The following SKI variants were observed in gnomAD, a reference collection of about 807,000 sequenced individuals.
SKI encodes the protein SKI proto-oncogene.
SKI carries 23 observed loss-of-function variants against 59.3 expected under a neutral mutation model. The ratio of observed to expected loss-of-function variants is 0.39; its 90% CI spans 0.28 to 0.55. The LOEUF (loss-of-function observed/expected upper bound fraction) is 0.55, where lower values mean the gene tolerates loss of function less well. Ranked by LOEUF, SKI falls within the 20% of genes least tolerant of loss-of-function variation. The pLI, the probability that SKI is intolerant of heterozygous loss-of-function variation, is 0.67. For synonymous variants in SKI, 673 were observed against 488.6 expected (o/e 1.38, Z -4.98); for missense variants, 1,017 against 1,038.9 (o/e 0.98, Z 0.29).
chr1:2,275,670 A>G (rs181136444), intron 1 of SKI, among the ~76,000 whole-genome samples: 403 of 151,826 alleles, frequency 2.7e-3, no homozygotes, highest in African/African-American at 8.3e-3. Flanking sequence ...GTGCCATCAC[A>G]CTCGGCTAAT....
intron 1 of SKI, among the ~76,000 whole-genome samples, chr1:2,294,672 A>G (rs1453577014): frequency 6.6e-6 from 1 of 152,082 alleles, no homozygotes; most frequent in Non-Finnish European, 1.5e-5. Context: ...ATGGCTATGC[A>G]TGTTTGTCCC....
intron 1 of SKI, among the ~76,000 whole-genome samples, chr1:2,231,748 C>T (rs1273737560): frequency 3.9e-5 from 6 of 152,344 alleles, no homozygotes; most frequent in East Asian, 1.9e-4. Context: ...TGGTGTCCTC[C>T]GCCTGGCTCC....
chr1:2,280,307 C>T (rs180822665), intron 1 of SKI, among the ~76,000 whole-genome samples: 43 of 151,382 alleles, frequency 2.8e-4, no homozygotes, highest in African/African-American at 8.7e-4. Context: ...CCCCGGGAGG[C>T]GGAGGTTGCA....
At chr1:2,234,789 T>C (rs887114497) in intron 1 of SKI, among the ~76,000 whole-genome samples, 3 of 152,216 alleles carry the variant, frequency 2.0e-5, no homozygotes, top group African/African-American at 7.2e-5. Context: ...AAAAGTTTCT[T>C]TGTTTTGAGT....
chr1:2,264,969 C>A (rs1639469396), intron 1 of SKI, among the ~76,000 whole-genome samples: 1 of 152,120 alleles, frequency 6.6e-6, no homozygotes, highest in African/African-American at 2.4e-5. Context: ...CGCCACCACG[C>A]CTGGCTAATT....
At chr1:2,306,386 C>A (rs986520369) in intron 6 of SKI, 136 bp downstream of exon 6, 35 of 1,014,892 alleles carry the variant, frequency 3.4e-5, no homozygotes, top group African/African-American at 1.3e-4. Context: ...GCGTGCCCCC[C>A]CGACGGGCAC....
intron 1 of SKI, among the ~76,000 whole-genome samples, chr1:2,288,953 G>A (rs150827516): frequency 3.0e-4 from 46 of 152,310 alleles, no homozygotes; most frequent in Admixed American, 4.6e-4. Flanking sequence ...TCCAGGTGAC[G>A]GGAGCTGCCT....
intron 1 of SKI, among the ~76,000 whole-genome samples, chr1:2,262,577 G>A (rs1002381183): frequency 3.3e-5 from 5 of 152,172 alleles, no homozygotes; most frequent in African/African-American, 4.8e-5. Context: ...AGTGGTGGGC[G>A]TGGACGCCCT....
intron 1 of SKI, among the ~76,000 whole-genome samples, chr1:2,233,206 G>C (rs1638680644): frequency 6.7e-6 from 1 of 150,370 alleles, no homozygotes; most frequent in South Asian, 2.1e-4. Flanking sequence ...CTCCGAGGGG[G>C]CCGGGGTTTC....
chr1:2,228,809 C>T lies in SKI; in HGVS notation c.43C>T (p.Pro15Ser). 1 of 1,360,752 alleles carries T rather than the reference C, an allele frequency of 7.3e-7. No individual in the cohort carries two copies. Among genetic ancestry groups the T allele is most frequent in the Non-Finnish European group, 9.6e-7 (1 of 1,046,064 alleles). The allele number at this position is 1,360,752 out of a possible 1,614,324, so 84.3% of individuals were successfully genotyped here. A position where few individuals can be genotyped will look rare whatever the true frequency, so the allele number is the denominator to read the frequency against. ...CGGCCGCGGCTGTTTCCAGCCGCAC[C>T]CGGGGCTGCAGAAGACGCTGGAGCA... ...AGGRGCFQPH[P>S]GLQKTLEQFH... The change falls in exon 1 of 7, where the codon CCG (proline) becomes TCG (serine). Residue 15 changes from proline to serine, a missense_variant. Pro to Ser is a moderately conservative substitution (Grantham distance 74). Transcript: ENST00000378536.
In SKI at chr1:2,303,078, G is replaced by A. The variant is rs200874294; in HGVS notation, c.1070G>A (p.Arg357Gln). Reference protein sequence around the residue: ...SEKDKPSSWLRTLAGSSNKSL... With the variant: ...SEKDKPSSWLQTLAGSSNKSL... ...AAGGACAAGCCGTCCAGCTGGCTGC[G>A]GACCTTGGCCGGCTCTTCCAATAAG... Residue 357 changes from arginine (R) to glutamine (Q), a missense_variant, in exon 2 of 7, where the codon CGG (arginine) becomes CAG (glutamine). Physicochemically the swap from Arg to Gln is conservative, Grantham distance 43. Coordinates refer to ENST00000378536, the MANE Select transcript of SKI (RefSeq NM_003036.4). The surrounding 1 kb of genome is among the most constrained non-coding windows in gnomAD (Gnocchi z 5.6). 99 of 1,613,418 alleles carry A rather than the reference G, an allele frequency of 6.1e-5. No homozygotes were observed. Among genetic ancestry groups the A allele is most frequent in the Middle Eastern group, 1.6e-4 (1 of 6,084 alleles).
intron 1 of SKI, among the ~76,000 whole-genome samples, chr1:2,297,812 C>T (rs959271824): frequency 3.9e-5 from 6 of 152,260 alleles, no homozygotes; most frequent in East Asian, 1.9e-4. Flanking sequence ...TGGGCCCGCC[C>T]GGTGTGCATG....
At chr1:2,283,417 A>G (rs1211995088) in intron 1 of SKI, among the ~76,000 whole-genome samples, 1 of 152,194 alleles carries the variant, frequency 6.6e-6, no homozygotes, top group Non-Finnish European at 1.5e-5. Context: ...GGTGGCAAGC[A>G]TCGCCTTTTG....
At chr1:2,271,727 G>A (rs1419536930) in intron 1 of SKI, among the ~76,000 whole-genome samples, 1 of 151,658 alleles carries the variant, frequency 6.6e-6, no homozygotes, top group African/African-American at 2.4e-5. Flanking sequence ...CTGGGGGGGG[G>A]TAGGGGGCTT....
chr1:2,305,013 C>T (rs1184749530), intron 5 of SKI, among the ~76,000 whole-genome samples: 1 of 152,226 alleles, frequency 6.6e-6, no homozygotes, highest in Non-Finnish European at 1.5e-5. Context: ...ACGCGCTCCG[C>T]CAGCAAGACC....
Position 2,278,245 on chromosome 1 carries a change from A to G in SKI, c.970-24733A>G, listed in dbSNP as rs549725603. Among the ~76,000 whole-genome samples, 21 of 152,336 alleles carry G rather than the reference A, an allele frequency of 1.4e-4. No individual in the cohort carries two copies. The East Asian group carries it at 4.1e-3, about 29-fold the overall frequency. On this transcript the variant is annotated intron_variant, in intron 1 of 6. Coordinates refer to ENST00000378536, the MANE Select transcript of SKI (RefSeq NM_003036.4). ...AGGGCTGTCTGAACAGGGCAGAGTC[A>G]CGAGTGATGCAAGGGTGGGGTGTGG...
chr1:2,251,775 G>A (rs1171660750), intron 1 of SKI, among the ~76,000 whole-genome samples: 2 of 152,230 alleles, frequency 1.3e-5, no homozygotes, highest in African/African-American at 2.4e-5. Context: ...AAAATGAACC[G>A]CAAAGTATTT....
intron 1 of SKI, among the ~76,000 whole-genome samples, chr1:2,287,338 A>ATTT (rs56295904): frequency 0.032 from 4,416 of 140,082 alleles, 233 homozygotes; most frequent in African/African-American, 0.1. Flanking sequence ...GAAATATCCA[A>ATTT]TTTTTTTTTT....
chr1:2,262,030 TCTC>T (rs1639398651), intron 1 of SKI, among the ~76,000 whole-genome samples: 1 of 110,888 alleles, frequency 9.0e-6, no homozygotes, highest in Admixed American at 9.6e-5. Flanking sequence ...TCGCTCCTGA[TCTC>T]CTGATCTCCT....
Sources: gnomAD v4.1 joint callset for allele counts (sites outside exome capture counted in the v4.1 genomes callset) on GRCh38, gnomAD v4.1.1 for gene constraint, Gnocchi (gnomAD v3.1) non-coding constraint, MANE v1.5 for transcripts, NCBI Gene and HGNC (gene_info 2026-07-23, HGNC 2026-07-21) for gene names.